The following ZFAND3 variants were observed in gnomAD, a reference collection of about 807,000 sequenced individuals.
ZFAND3 encodes the protein AN1-type zinc finger protein 3.
ZFAND3 carries 10 observed loss-of-function variants against 29.6 expected under a neutral mutation model. The observed-to-expected ratio is 0.34, with a 90% confidence interval of 0.21 to 0.57. The LOEUF (loss-of-function observed/expected upper bound fraction) is 0.57, where lower values mean the gene tolerates loss of function less well. Among genes scored for constraint, ZFAND3 ranks in the 20% least tolerant of loss-of-function variants. ZFAND3 has a pLI of 0.86. For synonymous variants in ZFAND3, 128 were observed against 112.6 expected, an observed-to-expected ratio of 1.14 and a Z score of -0.87; for missense variants, 230 against 304.5, an observed-to-expected ratio of 0.76 and a Z score of 1.82.
At chr6:37,879,737 T>C (rs574140644) in intron 1 of ZFAND3, among the ~76,000 whole-genome samples, 2 of 152,226 alleles carry the variant, frequency 1.3e-5, no homozygotes, top group South Asian at 2.1e-4. Context: ...CTGCCTGTTA[T>C]AGAACTTTCA....
chr6:37,823,994 T>C (rs1429353481), intron 1 of ZFAND3, among the ~76,000 whole-genome samples: 7 of 152,170 alleles, frequency 4.6e-5, no homozygotes, highest in Admixed American at 1.3e-4. Flanking sequence ...GAGACTGTTA[T>C]CGAACTCCCG....
At chr6:38,005,306 G>T (rs1763030359) in intron 2 of ZFAND3, among the ~76,000 whole-genome samples, 1 of 152,200 alleles carries the variant, frequency 6.6e-6, no homozygotes, top group South Asian at 2.1e-4. Flanking sequence ...AAGTCTCAAA[G>T]ATGGGTTTTA....
chr6:37,974,320 TC>T (rs1762439823), intron 2 of ZFAND3, among the ~76,000 whole-genome samples: 1 of 150,842 alleles, frequency 6.6e-6, no homozygotes, highest in African/African-American at 2.4e-5. Flanking sequence ...CTCCTCGGCC[TC>T]CCCAGACTGC....
intron 5 of ZFAND3, among the ~76,000 whole-genome samples, chr6:38,132,367 A>C (rs1273620392): frequency 3.9e-5 from 6 of 152,316 alleles, no homozygotes; most frequent in Admixed American, 1.3e-4. Flanking sequence ...AAATAAGCCT[A>C]GTGTGGTGGC....
rs1352432742 is a variant in ZFAND3, at chr6:38,052,932, G to A, written c.113-8661G>A. ...GCCTGCAATCCCAGCTACTTGGGTG[G>A]CCAAAGCAGGAGAATTGCTCGAACC... On this transcript the variant is annotated intron_variant, in intron 2 of 5. Coordinates refer to ENST00000287218, the MANE Select transcript of ZFAND3 (RefSeq NM_021943.3). Among the ~76,000 whole-genome samples, 5 of 151,890 alleles carry A rather than the reference G, an allele frequency of 3.3e-5. No homozygotes were observed. In the East Asian group the frequency reaches 9.7e-4, roughly 29 times the overall value.
intron 2 of ZFAND3, among the ~76,000 whole-genome samples, chr6:38,053,535 T>C (rs1764072092): frequency 6.6e-6 from 1 of 151,986 alleles, no homozygotes; most frequent in African/African-American, 2.4e-5. Flanking sequence ...AATACAAAAA[T>C]TAGCCACACG....
Position 37,913,804 on chromosome 6 carries a change from G to A in ZFAND3, c.72-16155G>A, listed in dbSNP as rs563748183. On this transcript the variant is annotated intron_variant, in intron 1 of 5. Coordinates refer to ENST00000287218, the MANE Select transcript of ZFAND3 (RefSeq NM_021943.3). ...TGACTCACTGCAACCTCCGCCTCCCGGGTTTAAGCGATTCTCCTGCCTCAG... is the reference window on the plus strand; with the variant it reads ...TGACTCACTGCAACCTCCGCCTCCCAGGTTTAAGCGATTCTCCTGCCTCAG... 5.7e-4 allele frequency among the ~76,000 whole-genome samples: 84 copies of A among 148,360 alleles called. 1 individual carries two copies. The highest frequency in any genetic ancestry group is 1.9e-3 in the Admixed American group (27 of 14,554).
chr6:37,890,823 A>G (rs923185697), intron 1 of ZFAND3, among the ~76,000 whole-genome samples: 2 of 152,172 alleles, frequency 1.3e-5, no homozygotes, highest in African/African-American at 2.4e-5. Flanking sequence ...TCTAAATTCA[A>G]TTTTTATTTT....
intron 2 of ZFAND3, among the ~76,000 whole-genome samples, chr6:37,958,906 C>G (rs935884370): frequency 2.6e-5 from 4 of 152,176 alleles, no homozygotes; most frequent in South Asian, 2.1e-4. Context: ...ATTAATGTGT[C>G]TGTAAAGTTT....
chr6:37,826,720 T>C (rs1763767123), intron 1 of ZFAND3, among the ~76,000 whole-genome samples: 1 of 149,854 alleles, frequency 6.7e-6, no homozygotes, highest in South Asian at 2.1e-4. Context: ...GCCACTGTAC[T>C]CCAGTCTGGG....
chr6:38,098,953 C>T (rs918280352), intron 4 of ZFAND3, among the ~76,000 whole-genome samples: 4 of 152,052 alleles, frequency 2.6e-5, no homozygotes, highest in African/African-American at 4.8e-5. Context: ...CAGGCTAGTT[C>T]AAACTCCTGG....
rs893339097 is a variant in ZFAND3, at chr6:37,876,963, A to G, written c.72-52996A>G. Among the ~76,000 whole-genome samples, 11 of 152,336 alleles carry G rather than the reference A, an allele frequency of 7.2e-5. 1 individual carries two copies. Among genetic ancestry groups the G allele is most frequent in the Admixed American group, 3.3e-4 (5 of 15,306 alleles). ...CTGTGGAGACTCTGGAAATGCATCAATTAGTTCTATGCCTGCAACAATCAT... is the reference window on the plus strand; with the variant it reads ...CTGTGGAGACTCTGGAAATGCATCAGTTAGTTCTATGCCTGCAACAATCAT... On this transcript the variant is annotated intron_variant, in intron 1 of 5. Coordinates refer to ENST00000287218, the MANE Select transcript of ZFAND3 (RefSeq NM_021943.3).
At chr6:38,016,941 GAGA>G (rs1295569780) in intron 2 of ZFAND3, among the ~76,000 whole-genome samples, 1 of 152,154 alleles carries the variant, frequency 6.6e-6, no homozygotes, top group Admixed American at 6.5e-5. Context: ...GTGTCAGAAA[GAGA>G]AGAAGGTAGA....
chr6:37,821,368 T>G (rs769748755), intron 1 of ZFAND3, among the ~76,000 whole-genome samples: 5 of 152,228 alleles, frequency 3.3e-5, no homozygotes, highest in Non-Finnish European at 5.9e-5. Context: ...GTCCTAAAAA[T>G]GTGAAAATAT....
intron 2 of ZFAND3, chr6:38,003,680 T>A (rs563450124): frequency 1.4e-4 from 47 of 335,208 alleles, no homozygotes; most frequent in Non-Finnish European, 2.5e-4. Flanking sequence ...TGTGTTTTTT[T>A]TTTTTTGTAG....
chr6:38,017,715 T>A (rs915681637), intron 2 of ZFAND3, among the ~76,000 whole-genome samples: 4 of 151,990 alleles, frequency 2.6e-5, no homozygotes, highest in Non-Finnish European at 5.9e-5. Flanking sequence ...AAAAAAAGAA[T>A]CATATATTTC....
chr6:37,895,880 T>A (rs1765194559), intron 1 of ZFAND3, among the ~76,000 whole-genome samples: 1 of 152,226 alleles, frequency 6.6e-6, no homozygotes, highest in Non-Finnish European at 1.5e-5. Context: ...AATCTAGGGT[T>A]CATTTACTCC....
chr6:37,972,842 T>C (rs1762413598), intron 2 of ZFAND3, among the ~76,000 whole-genome samples: 1 of 152,134 alleles, frequency 6.6e-6, no homozygotes, highest in Non-Finnish European at 1.5e-5. Context: ...TATTAAGCAG[T>C]CAACTAGAAA....
At position 37,928,385 on chromosome 6, in the gene ZFAND3, A is replaced by G. The variant is rs554848061; in HGVS notation, c.72-1574A>G. Among the ~76,000 whole-genome samples the G allele has an allele frequency of 1.4e-3, 217 of 152,278 alleles. 1 individual carries two copies. The highest frequency in any genetic ancestry group is 2.2e-3 in the Non-Finnish European group (151 of 68,022). On this transcript the variant is annotated intron_variant, in intron 1 of 5. Transcript: ENST00000287218. ...GGAGTTGCTGAGGAATGAAGTTTTA[A>G]ATAGGTCAGCTTGCCTAACGTAGAG...
Sources: allele counts gnomAD v4.1 joint callset (sites outside exome capture counted in the v4.1 genomes callset), GRCh38; gene constraint gnomAD v4.1.1; transcripts MANE v1.5; gene names NCBI Gene and HGNC (gene_info 2026-07-23, HGNC 2026-07-21).